The following OR6C4 variants were observed in gnomAD, a reference collection of about 807,000 sequenced individuals.
OR6C4 encodes olfactory receptor family 6 subfamily C member 4, also known as olfactory receptor 6C4.
OR6C4 carries 20 observed loss-of-function variants against 15.1 expected under a neutral mutation model. The observed-to-expected ratio is 1.32, with a 90% confidence interval of 0.93 to 1.92. The LOEUF is 1.92. Ranked by LOEUF, OR6C4 falls within the 30% of genes most tolerant of loss-of-function variation. OR6C4 has a pLI of 0.00. For synonymous variants in OR6C4, 179 were observed against 134.2 expected (o/e 1.33, Z -2.31); for missense variants, 491 against 363.2 (o/e 1.35, Z -2.86).
chr12:55,551,877 A>T lies in OR6C4; in HGVS notation c.651A>T (p.Thr217=). The change falls in exon 2 of 2, where the codon ACA becomes ACT. Residue 217 remains threonine (T), a synonymous_variant. Transcript: ENST00000641569. ...VTLVLVTLSY[T]YIIRTILRIP... is the part of the protein sequence containing the mutation. ...TGGTGCTGGTGACACTTTCTTACAC[A>T]TACATTATCAGGACTATTCTGAGGA... The T allele has an allele frequency of 6.2e-7, 1 of 1,613,798 alleles. No homozygotes were observed. Among genetic ancestry groups the T allele is most frequent in the Non-Finnish European group, 8.5e-7 (1 of 1,179,898 alleles).
chr12:55,550,331 C>A (rs540042147), intron 1 of OR6C4, among the ~76,000 whole-genome samples: 1 of 152,244 alleles, frequency 6.6e-6, no homozygotes, highest in East Asian at 1.9e-4. Flanking sequence ...CCAAATTTTT[C>A]TTCCCTGAGA....
At position 55,551,359 on chromosome 12, in the gene OR6C4, A is replaced by T. The variant is rs762853435; in HGVS notation, c.133A>T (p.Thr45Ser). 1.2e-6 allele frequency: 2 copies of T among 1,613,510 alleles called. No individual in the cohort carries two copies. The highest frequency in any genetic ancestry group is 1.7e-6 in the Non-Finnish European group (2 of 1,179,750). ...LSILGNLTII[T>S]LTLLDPHLQT... ...TATCCTAGGAAATCTGACTATTATC[A>T]CCCTCACCTTACTAGACCCCCACCT... is the stretch of plus-strand genomic sequence containing the variant. Residue 45 changes from threonine (T) to serine (S), a missense_variant, in exon 2 of 2, where the codon ACC becomes TCC. Thr to Ser is a moderately conservative substitution (Grantham distance 58). Transcript: ENST00000641569.
rs1565720756 is a variant in OR6C4 at position 55,554,122 on chromosome 12, C to T, written c.*1966C>T. ...ACAAGGCCAGCATATTTCTACTCTCCACACATCCAGCTGCATGCTGGGTAG... is the reference window on the plus strand; with the variant it reads ...ACAAGGCCAGCATATTTCTACTCTCTACACATCCAGCTGCATGCTGGGTAG... On this transcript the variant is annotated 3_prime_UTR_variant, in exon 2 of 2. Transcript: ENST00000641569. The T allele has an allele frequency of 6.6e-6, 1 of 152,124 alleles. No homozygotes were observed. The highest frequency in any genetic ancestry group is 6.6e-5 in the Admixed American group (1 of 15,252). 9.4% of individuals were successfully genotyped at this position (152,124 alleles called of 1,614,324 possible).
Position 55,554,738 on chromosome 12 carries a change from T to C in OR6C4, c.*2582T>C, listed in dbSNP as rs1434311811. On this transcript the variant is annotated 3_prime_UTR_variant, in exon 2 of 2. Transcript: ENST00000641569. The stretch of plus-strand genomic sequence containing the variant: ...CTACATTTGGGCATTCATTCTTCTA[T>C]TGCCTCTCTTTAAAGCTGCCAGAGC... 1 of 152,224 alleles carries C rather than the reference T, an allele frequency of 6.6e-6. No homozygotes were observed. Among genetic ancestry groups the C allele is most frequent in the Non-Finnish European group, 1.5e-5 (1 of 68,036 alleles). 9.4% of individuals were successfully genotyped at this position (152,224 alleles called of 1,614,324 possible). A position where few individuals can be genotyped will look rare whatever the true frequency, so the allele number is the denominator to read the frequency against.
At position 55,551,558 on chromosome 12, in the gene OR6C4, A is replaced by G. The variant is rs1873862163; in HGVS notation, c.332A>G (p.Tyr111Cys). ...FAIFLGATEF[Y>C]LLASMSYDRY... ...ATATTTCTTGGAGCTACCGAGTTTT[A>G]CCTCCTGGCCTCCATGTCTTATGAT... The change falls in exon 2 of 2, where the codon TAC becomes TGC. Residue 111 changes from tyrosine (Y) to cysteine (C), a missense_variant. Physicochemically the swap from Tyr to Cys is radical, Grantham distance 194. Transcript: ENST00000641569. 1.2e-6 allele frequency: 2 copies of G among 1,613,772 alleles called. No individual in the cohort carries two copies. Among genetic ancestry groups the G allele is most frequent in the Non-Finnish European group, 1.7e-6 (2 of 1,179,892 alleles).
chr12:55,550,279 T>G (rs1296227070), intron 1 of OR6C4, among the ~76,000 whole-genome samples, 161 bp downstream of exon 1: 1 of 152,194 alleles, frequency 6.6e-6, no homozygotes, highest in Non-Finnish European at 1.5e-5. Context: ...TATATTTGCC[T>G]CTTAATCAGA....
rs1042826023 is a variant in OR6C4, at chr12:55,552,372, A to G, written c.*216A>G. On this transcript the variant is annotated 3_prime_UTR_variant, in exon 2 of 2. Transcript: ENST00000641569. The stretch of plus-strand genomic sequence containing the variant: ...AAAATAATATTTTAATTGTTATTAG[A>G]GAAGAGTGAATGGGGATCTGAAAAG... 7.2e-6 allele frequency: 3 copies of G among 417,666 alleles called. No homozygotes were observed. In the Admixed American group the frequency reaches 1.3e-4, roughly 18 times the overall value. 25.9% of individuals were successfully genotyped at this position (417,666 alleles called of 1,614,324 possible).
rs968205807 is a variant in OR6C4 at position 55,552,547 on chromosome 12, T to C, written c.*391T>C. On this transcript the variant is annotated 3_prime_UTR_variant, in exon 2 of 2. Transcript: ENST00000641569. ...AAAGTAAGTAATTACAACTACTGAG[T>C]TAGCTGGGTTTCATGAGTCAAGAAA... 1 of 164,204 alleles carries C rather than the reference T, an allele frequency of 6.1e-6. No individual in the cohort carries two copies. Among genetic ancestry groups the C allele is most frequent in the Non-Finnish European group, 1.3e-5 (1 of 77,360 alleles). The allele number at this position is 164,204 out of a possible 1,614,324, so 10.2% of individuals were successfully genotyped here.
Position 55,551,931 on chromosome 12 carries a change from CT to C in OR6C4, c.709del (p.Ser237ProfsTer7). ...CTTCTGCCCAGCAAAGGACAAAGGC[CT>C]TTTCCACTTGTTCCTCCCACATGAT... ...IPSAQQRTKA[F>X]STCSSHMIVI... On this transcript the variant is annotated frameshift_variant, in exon 2 of 2. Coordinates refer to ENST00000641569, the MANE Select transcript of OR6C4 (RefSeq NM_001005494.2). LOFTEE classifies it high-confidence loss of function. 2 of 1,613,828 alleles carry C rather than the reference CT, an allele frequency of 1.2e-6. No homozygotes were observed. Among genetic ancestry groups the C allele is most frequent in the Non-Finnish European group, 1.7e-6 (2 of 1,179,872 alleles).
rs1222176763 is a variant in OR6C4 at position 55,552,289 on chromosome 12, T to A, written c.*133T>A. ...TGTCTTAATTTCAAGAAAACTATAG[T>A]CTAGAATCAAGGAAAGATATATAAA... is the stretch of plus-strand genomic sequence containing the variant. On this transcript the variant is annotated 3_prime_UTR_variant, in exon 2 of 2. Coordinates refer to ENST00000641569, the MANE Select transcript of OR6C4 (RefSeq NM_001005494.2). 1 of 579,890 alleles carries A rather than the reference T, an allele frequency of 1.7e-6. No homozygotes were observed. Among genetic ancestry groups the A allele is most frequent in the Non-Finnish European group, 2.9e-6 (1 of 341,374 alleles). The allele number at this position is 579,890 out of a possible 1,614,324, so 35.9% of individuals were successfully genotyped here.
Position 55,549,750 on chromosome 12 carries a change from C to A in OR6C4, c.-387C>A, listed in dbSNP as rs1398467507. ...TATTTTTTATTACCTATGTGAAGTT[C>A]TCTGTCTCTCAGGAACTATGATTTG... On this transcript the variant is annotated 5_prime_UTR_variant, in exon 1 of 2. Coordinates refer to ENST00000641569, the MANE Select transcript of OR6C4 (RefSeq NM_001005494.2). 1 of 152,094 alleles carries A rather than the reference C, an allele frequency of 6.6e-6. No individual in the cohort carries two copies. The highest frequency in any genetic ancestry group is 1.9e-4 in the East Asian group (1 of 5,196). 9.4% of individuals were successfully genotyped at this position (152,094 alleles called of 1,614,324 possible). A position where few individuals can be genotyped will look rare whatever the true frequency, so the allele number is the denominator to read the frequency against.
rs531764696 is a variant in OR6C4, at chr12:55,551,120, A to G, written c.-18-89A>G. 92 of 828,854 alleles carry G rather than the reference A, an allele frequency of 1.1e-4. 1 individual carries two copies. The African/African-American group carries it at 1.6e-3, about 14-fold the overall frequency. 51.3% of individuals were successfully genotyped at this position (828,854 alleles called of 1,614,324 possible). On this transcript the variant is annotated intron_variant, in intron 1 of 1. Transcript: ENST00000641569. ...GGGCCATATGGATGGTGAGCAATGT[A>G]TGACCTGATTCTGTTCATTAAGATA...
rs776380944 is a variant in OR6C4, at chr12:55,552,041, T to C, written c.815T>C (p.Ile272Thr). 6.2e-7 allele frequency: 1 copy of C among 1,613,590 alleles called. No homozygotes were observed. Among genetic ancestry groups the C allele is most frequent in the Non-Finnish European group, 8.5e-7 (1 of 1,179,674 alleles). The change falls in exon 2 of 2, where the codon ATA becomes ACA. Residue 272 changes from isoleucine to threonine, a missense_variant. Physicochemically the swap from Ile to Thr is moderately conservative, Grantham distance 89. Transcript: ENST00000641569. ...AKEGGAFNKGIAVLITSVTPL... is the reference protein window; with the variant it reads ...AKEGGAFNKGTAVLITSVTPL... The stretch of plus-strand genomic sequence containing the variant: ...GAAGGAGGTGCTTTCAACAAAGGAA[T>C]AGCTGTACTCATTACTTCGGTTACT...
chr12:55,551,302 T>G lies in OR6C4; in HGVS notation c.76T>G (p.Phe26Val). Residue 26 changes from phenylalanine to valine, a missense_variant, in exon 2 of 2, where the codon TTC becomes GTC. Phe to Val is a conservative substitution (Grantham distance 50). Transcript: ENST00000641569. ...TCAACCTGAACTCCAAGTGATGATA[T>G]TCATCTTTCTGTTCCTCACCTACAT... ...TNQPELQVMI[F>V]IFLFLTYMLS... The G allele has an allele frequency of 1.2e-6, 2 of 1,613,662 alleles. No homozygotes were observed. The highest frequency in any genetic ancestry group is 1.7e-6 in the Non-Finnish European group (2 of 1,179,704).
At position 55,552,166 on chromosome 12, in the gene OR6C4, T is replaced by A; in HGVS notation, c.*10T>A. On this transcript the variant is annotated 3_prime_UTR_variant, in exon 2 of 2. Transcript: ENST00000641569. ...GATTGTGAAACTTTAAAAAAGGAGATTACACTTCAAAATACATTTTCACTT... is the reference window on the plus strand; with the variant it reads ...GATTGTGAAACTTTAAAAAAGGAGAATACACTTCAAAATACATTTTCACTT... The A allele has an allele frequency of 1.3e-6, 2 of 1,556,834 alleles. No homozygotes were observed. The highest frequency in any genetic ancestry group is 1.7e-4 in the Middle Eastern group (1 of 5,834).
Position 55,552,418 on chromosome 12 carries a change from T to C in OR6C4, c.*262T>C. 3.4e-6 allele frequency: 1 copy of C among 297,652 alleles called. No individual in the cohort carries two copies. 18.4% of individuals were successfully genotyped at this position (297,652 alleles called of 1,614,324 possible). On this transcript the variant is annotated 3_prime_UTR_variant, in exon 2 of 2. Transcript: ENST00000641569. Reference sequence around the variant, plus strand: ...AAAAGGAACAGTTGGAAAGAATTAGTTCTGTTTTCCATAAATTATTTGAAA... The same window carrying C: ...AAAAGGAACAGTTGGAAAGAATTAGCTCTGTTTTCCATAAATTATTTGAAA...
In OR6C4 at chr12:55,555,003, A is replaced by T. The variant is rs537885091; in HGVS notation, c.*2847A>T. 9.2e-5 allele frequency: 14 copies of T among 152,106 alleles called. No homozygotes were observed. Among genetic ancestry groups the T allele is most frequent in the African/African-American group, 3.4e-4 (14 of 41,470 alleles). The allele number at this position is 152,106 out of a possible 1,614,324, so 9.4% of individuals were successfully genotyped here. A position where few individuals can be genotyped will look rare whatever the true frequency, so the allele number is the denominator to read the frequency against. ...AGTGAAACCCCGTTTCTACTATTAC[A>T]TTGATAGAAAAGTAATTGTGGTTTT... On this transcript the variant is annotated 3_prime_UTR_variant, in exon 2 of 2. Coordinates refer to ENST00000641569, the MANE Select transcript of OR6C4 (RefSeq NM_001005494.2).
rs1207671877 is a variant in OR6C4, at chr12:55,555,752, T to C, written c.*3596T>C. The C allele has an allele frequency of 1.3e-5, 2 of 152,210 alleles. No homozygotes were observed. The highest frequency in any genetic ancestry group is 1.3e-4 in the Admixed American group (2 of 15,274). The allele number at this position is 152,210 out of a possible 1,614,324, so 9.4% of individuals were successfully genotyped here. On this transcript the variant is annotated 3_prime_UTR_variant, in exon 2 of 2. Transcript: ENST00000641569. The stretch of plus-strand genomic sequence containing the variant: ...GAGTTTATGCCACTGTACTCCAGGC[T>C]GGGCAACACAGCAAGACTCTGTCTC...
rs776105100 is a variant in OR6C4, at chr12:55,552,998, C to T, written c.*842C>T. The T allele has an allele frequency of 2.0e-5, 3 of 151,888 alleles. No homozygotes were observed. Among genetic ancestry groups the T allele is most frequent in the Non-Finnish European group, 2.9e-5 (2 of 67,938 alleles). The allele number at this position is 151,888 out of a possible 1,614,324, so 9.4% of individuals were successfully genotyped here. A position where few individuals can be genotyped will look rare whatever the true frequency, so the allele number is the denominator to read the frequency against. The stretch of plus-strand genomic sequence containing the variant: ...CTTCCTATCATGATTTTATTTTCAT[C>T]CTTTTGTTTCACTTTATTAGATATT... On this transcript the variant is annotated 3_prime_UTR_variant, in exon 2 of 2. Transcript: ENST00000641569.
Sources: allele counts gnomAD v4.1 joint callset (sites outside exome capture counted in the v4.1 genomes callset), GRCh38; gene constraint gnomAD v4.1.1; transcripts MANE v1.5; gene names NCBI Gene and HGNC (gene_info 2026-07-23, HGNC 2026-07-21).